The following PDE1C variants were observed in gnomAD, a reference collection of about 807,000 sequenced individuals.
PDE1C encodes phosphodiesterase 1C.
A neutral mutation model predicts 93.1 loss-of-function variants in PDE1C; 62 were observed. The observed-to-expected ratio is 0.67, with a 90% CI of 0.54 to 0.82. PDE1C has a LOEUF of 0.82. Among genes scored for constraint, PDE1C ranks in the 40% least tolerant of loss-of-function variants. PDE1C has a pLI of 0.00. For missense variants in PDE1C, 742 were observed against 884.6 expected, an observed-to-expected ratio of 0.84 and a Z score of 2.04; for synonymous variants, 325 against 310.1, an observed-to-expected ratio of 1.05 and a Z score of -0.50.
chr7:32,031,293 A>C (rs535857763), intron 2 of PDE1C, among the ~76,000 whole-genome samples: 104 of 152,286 alleles, frequency 6.8e-4, no homozygotes, highest in Admixed American at 3.9e-4. Context: ...CTGGGTGCTT[A>C]AAATGTTAGA....
At chr7:31,945,181 T>C (rs1426741194) in intron 2 of PDE1C, among the ~76,000 whole-genome samples, 1 of 152,182 alleles carries the variant, frequency 6.6e-6, no homozygotes, top group Admixed American at 6.5e-5. Context: ...TCTCATCCCA[T>C]AGGACATTGC....
chr7:31,896,013 A>ACATACATACATG lies in PDE1C; in HGVS notation c.129-15154_129-15153insCATGTATGTATG, dbSNP rs1554399995. On this transcript the variant is annotated intron_variant, in intron 2 of 17. Coordinates refer to ENST00000396191, the MANE Select transcript of PDE1C (RefSeq NM_001191057.4). ...CCCTTACATACATACATACATACAT[A>ACATACATACATG]CATACATACACACACAAACACACAC... Among the ~76,000 whole-genome samples, 873 of 151,926 alleles carry ACATACATACATG rather than the reference A, an allele frequency of 5.7e-3. 4 individuals are homozygous for ACATACATACATG. The highest frequency in any genetic ancestry group is 0.02 in the African/African-American group (831 of 41,400).
intron 12 of PDE1C, among the ~76,000 whole-genome samples, chr7:31,826,683 C>G (rs1789708646): frequency 6.6e-6 from 1 of 152,158 alleles, no homozygotes; most frequent in South Asian, 2.1e-4. Flanking sequence ...GGCCCCGTTA[C>G]TACCTTAGTT....
At chr7:31,754,721 T>C (rs966150039) in intron 17 of PDE1C, among the ~76,000 whole-genome samples, 4 of 152,140 alleles carry the variant, frequency 2.6e-5, no homozygotes, top group African/African-American at 9.7e-5. Flanking sequence ...CATCAGAGAT[T>C]GTCAGGCGTT....
chr7:32,194,763 C>T (rs1043059561), intron 2 of PDE1C, among the ~76,000 whole-genome samples: 4 of 152,202 alleles, frequency 2.6e-5, no homozygotes, highest in African/African-American at 9.6e-5. Context: ...AGACCATTTA[C>T]ATTTAATGTA....
intron 1 of PDE1C, among the ~76,000 whole-genome samples, chr7:32,285,151 G>C (rs1289017248): frequency 3.3e-5 from 5 of 152,154 alleles, no homozygotes; most frequent in African/African-American, 1.2e-4. Context: ...CTCTCCATTT[G>C]GTTTTTATGC....
At chr7:31,642,964 G>A in the PDE1C span, 1 of 1,614,040 alleles carries the variant, frequency 6.2e-7, no homozygotes, top group Admixed American at 1.7e-5. Flanking sequence ...CACGAGGGGA[G>A]AATGCCCAAG....
chr7:32,127,060 A>T (rs1799625977), intron 3 of PDE1C, among the ~76,000 whole-genome samples: 1 of 152,186 alleles, frequency 6.6e-6, no homozygotes, highest in South Asian at 2.1e-4. Context: ...GAGGGCCTGC[A>T]CAGAACAAAA....
chr7:31,873,055 C>T (rs905000480), intron 6 of PDE1C, among the ~76,000 whole-genome samples: 3 of 152,112 alleles, frequency 2.0e-5, no homozygotes, highest in African/African-American at 7.2e-5. Flanking sequence ...TCCAGGAAGA[C>T]CAGAATCTAA....
chr7:31,695,541 C>T, the PDE1C span: 1 of 1,613,772 alleles, frequency 6.2e-7, no homozygotes, highest in Non-Finnish European at 8.5e-7. Context: ...AATGTACAGG[C>T]CACCCTGAAT....
intron 9 of PDE1C, among the ~76,000 whole-genome samples, chr7:31,846,790 T>C (rs1792680975): frequency 6.6e-6 from 1 of 152,168 alleles, no homozygotes; most frequent in South Asian, 2.1e-4. Flanking sequence ...CCTGAAGTGG[T>C]GCAATGATTA....
chr7:31,869,849 T>C (rs570322720), intron 6 of PDE1C, among the ~76,000 whole-genome samples: 3 of 152,148 alleles, frequency 2.0e-5, no homozygotes, highest in African/African-American at 7.2e-5. Flanking sequence ...TTTTCCAGCC[T>C]AGACCATATG....
chr7:31,755,399 C>T (rs1393863939), intron 17 of PDE1C, among the ~76,000 whole-genome samples: 1 of 152,100 alleles, frequency 6.6e-6, no homozygotes, highest in Non-Finnish European at 1.5e-5. Flanking sequence ...CACTACAAAT[C>T]TAGAAGTCTC....
At chr7:31,998,929 C>T (rs1329028975) in intron 2 of PDE1C, among the ~76,000 whole-genome samples, 1 of 152,186 alleles carries the variant, frequency 6.6e-6, no homozygotes, top group Non-Finnish European at 1.5e-5. Context: ...GCTGAGGTTG[C>T]TGTGTCACCT....
At chr7:31,653,034 GC>G in the PDE1C span, 1 of 1,322,728 alleles carries the variant, frequency 7.6e-7, no homozygotes, top group Non-Finnish European at 9.9e-7. Flanking sequence ...CCTAGTATGT[GC>G]CTGGCACAGA....
chr7:32,293,657 CAGCAG>C (rs140005652), intron 1 of PDE1C, among the ~76,000 whole-genome samples: 84 of 152,244 alleles, frequency 5.5e-4, no homozygotes, highest in African/African-American at 2.0e-3. Context: ...AGAGGATGAA[CAGCAG>C]AGCAGAGACT....
intron 7 of PDE1C, among the ~76,000 whole-genome samples, chr7:31,858,683 A>G (rs1032233414): frequency 6.6e-6 from 1 of 152,184 alleles, no homozygotes; most frequent in Admixed American, 6.6e-5. Flanking sequence ...AATATTTCAC[A>G]TATATGACAA....
chr7:31,863,708 T>C (rs977808725), intron 7 of PDE1C, among the ~76,000 whole-genome samples: 2 of 152,244 alleles, frequency 1.3e-5, no homozygotes, highest in Admixed American at 6.5e-5. Context: ...TTGTTGAGCT[T>C]CCTTTATGAG....
At chr7:32,339,118 G>T (rs1440313659) in intron 1 of PDE1C, among the ~76,000 whole-genome samples, 1 of 151,370 alleles carries the variant, frequency 6.6e-6, no homozygotes, top group Non-Finnish European at 1.5e-5. Flanking sequence ...GCCTTAAAAA[G>T]AAGGAAATTC....
Sources: allele counts gnomAD v4.1 joint callset (sites outside exome capture counted in the v4.1 genomes callset), GRCh38; gene constraint gnomAD v4.1.1; transcripts MANE v1.5; gene names NCBI Gene and HGNC (gene_info 2026-07-23, HGNC 2026-07-21).